MTARC2: variants seen among roughly 807,000 people sequenced by gnomAD.
MTARC2 encodes the protein MOCO sulphurase C-terminal domain containing 2.
In MTARC2, 27 loss-of-function variants were observed where a neutral mutation model predicts 35.6. That is an observed-to-expected ratio of 0.76 (90% confidence interval 0.56 to 1.04). The LOEUF (loss-of-function observed/expected upper bound fraction) is 1.04, where lower values mean the gene tolerates loss of function less well. Among genes scored for constraint, MTARC2 ranks in the 50% least tolerant of loss-of-function variants. The probability of loss-of-function intolerance (pLI) is 0.00; values close to 1 mark genes in which losing one functional copy is unlikely to be tolerated. For missense variants in MTARC2, 412 were observed against 432.5 expected (o/e 0.95, Z 0.42); for synonymous variants, 158 against 167.1 (o/e 0.95, Z 0.42).
chr1:220,769,935 A>C (rs1213172413), intron 4 of MTARC2, among the ~76,000 whole-genome samples: 1 of 54,276 alleles, frequency 1.8e-5, no homozygotes, highest in Non-Finnish European at 3.1e-5. Context: ...CTAAAAATAC[A>C]AAAAAAAAAA....
chr1:220,779,828 A>G (rs1000929602), intron 4 of MTARC2, 190 bp from the exon 5 acceptor site: 6 of 448,548 alleles, frequency 1.3e-5, no homozygotes, highest in Non-Finnish European at 2.4e-5. Flanking sequence ...TGAGACTGGG[A>G]GTCAAGAGGT....
chr1:220,760,213 G>A (rs1671403929), intron 2 of MTARC2, among the ~76,000 whole-genome samples: 1 of 152,130 alleles, frequency 6.6e-6, no homozygotes, highest in East Asian at 1.9e-4. Flanking sequence ...AAACATACAG[G>A]GACCCAAACA....
chr1:220,778,182 C>T (rs1309735051), intron 4 of MTARC2, among the ~76,000 whole-genome samples: 10 of 132,824 alleles, frequency 7.5e-5, no homozygotes, highest in East Asian at 2.5e-4. Flanking sequence ...GCGGAGATTG[C>T]GGCTGCAGTG....
rs80352362 is a variant in MTARC2 at position 220,783,847 on chromosome 1, G to A, written c.*32-72G>A. 2,562 of 716,828 alleles carry A rather than the reference G, an allele frequency of 3.6e-3. 52 individuals are homozygous for A. The African/African-American group carries it at 0.036, about 10-fold the overall frequency. The allele number at this position is 716,828 out of a possible 1,614,324, so 44.4% of individuals were successfully genotyped here. ...TGTAACCTCAATAAGTGACTGTTTT[G>A]TGGGAGTTTGAATTATTTATGAACA... On this transcript the variant is annotated intron_variant, in intron 7 of 7. Transcript: ENST00000366913.
intron 2 of MTARC2, among the ~76,000 whole-genome samples, chr1:220,755,864 A>C (rs1287137058): frequency 6.6e-6 from 1 of 152,220 alleles, no homozygotes; most frequent in African/African-American, 2.4e-5. Context: ...AAGGTGGTAC[A>C]ATGTGCTCAT....
intron 6 of MTARC2, among the ~76,000 whole-genome samples, chr1:220,780,568 G>A (rs1672045331): frequency 6.6e-6 from 1 of 151,378 alleles, no homozygotes; most frequent in Non-Finnish European, 1.5e-5. Context: ...TCCTGCCTCA[G>A]CCTCCTGAGT....
intron 1 of MTARC2, among the ~76,000 whole-genome samples, chr1:220,754,003 T>C (rs6541158): frequency 0.1 from 15,973 of 152,242 alleles, 1,694 homozygotes; most frequent in East Asian, 0.3. Flanking sequence ...TGAGCTAGAC[T>C]GTACCACTGC....
At chr1:220,756,986 T>C (rs1037162706) in intron 2 of MTARC2, among the ~76,000 whole-genome samples, 2 of 152,250 alleles carry the variant, frequency 1.3e-5, no homozygotes, top group African/African-American at 4.8e-5. Flanking sequence ...CACTGCAACC[T>C]CCACCTCCCA....
intron 4 of MTARC2, among the ~76,000 whole-genome samples, chr1:220,766,142 G>A (rs1232163230): frequency 6.6e-6 from 1 of 152,120 alleles, no homozygotes; most frequent in African/African-American, 2.4e-5. Context: ...CTTGAGGGAA[G>A]GAACTAGATT....
intron 1 of MTARC2, among the ~76,000 whole-genome samples, chr1:220,750,302 C>A (rs1275766554): frequency 1.3e-5 from 2 of 152,198 alleles, no homozygotes; most frequent in African/African-American, 4.8e-5. Context: ...CAAATTCTCA[C>A]GATGCATGTC....
intron 2 of MTARC2, among the ~76,000 whole-genome samples, chr1:220,758,660 C>G (rs1279598711): frequency 2.0e-5 from 3 of 152,196 alleles, no homozygotes; most frequent in Non-Finnish European, 4.4e-5. Flanking sequence ...CTCAAAGTAT[C>G]CACCTGCCTT....
At chr1:220,758,600 G>A (rs1172949280) in intron 2 of MTARC2, among the ~76,000 whole-genome samples, 1 of 152,002 alleles carries the variant, frequency 6.6e-6, no homozygotes, top group Non-Finnish European at 1.5e-5. Context: ...TTGTATTTTA[G>A]TAGAGGTGGG....
intron 1 of MTARC2, among the ~76,000 whole-genome samples, chr1:220,753,279 G>T (rs1671180789): frequency 6.6e-6 from 1 of 152,026 alleles, no homozygotes; most frequent in African/African-American, 2.4e-5. Context: ...TCCTCAGTGG[G>T]GTGGGGACTT....
At chr1:220,762,178 T>G (rs1671455105) in intron 3 of MTARC2, among the ~76,000 whole-genome samples, 1 of 152,206 alleles carries the variant, frequency 6.6e-6, no homozygotes, top group Admixed American at 6.5e-5. Flanking sequence ...CCTGGAATTA[T>G]AGAAGCGGAC....
At chr1:220,764,066 C>T (rs1490048691) in intron 4 of MTARC2, among the ~76,000 whole-genome samples, 8 of 151,984 alleles carry the variant, frequency 5.3e-5, no homozygotes, top group Non-Finnish European at 1.0e-4. Flanking sequence ...AATGACCGTA[C>T]TTCCTTTTGT....
rs748728930 is a variant in MTARC2 at position 220,780,206 on chromosome 1, T to C, written c.851T>C (p.Ile284Thr). ...ACGGTGGACCCAGACACTGGAGTCA[T>C]AGACAGGAAACAGCCACTGGACACC... is the stretch of plus-strand genomic sequence containing the variant. Reference protein sequence around the residue: ...LTTVDPDTGVIDRKQPLDTLK... With the variant: ...LTTVDPDTGVTDRKQPLDTLK... Residue 284 changes from isoleucine to threonine, a missense_variant, in exon 6 of 8, where the codon ATA becomes ACA. Physicochemically the swap from Ile to Thr is moderately conservative, Grantham distance 89. Coordinates refer to ENST00000366913, the MANE Select transcript of MTARC2 (RefSeq NM_017898.5). The C allele has an allele frequency of 4.3e-6, 7 of 1,612,624 alleles. No homozygotes were observed. The highest frequency in any genetic ancestry group is 5.1e-6 in the Non-Finnish European group (6 of 1,179,616).
chr1:220,781,356 C>T lies in MTARC2; in HGVS notation c.885-422C>T, dbSNP rs756823498. Among the ~76,000 whole-genome samples, 67 of 152,060 alleles carry T rather than the reference C, an allele frequency of 4.4e-4. 1 individual carries two copies. Among genetic ancestry groups the T allele is most frequent in the Non-Finnish European group, 1.3e-4 (9 of 68,022 alleles). ...TCTGAATTTTTGTTCACCAGTGAAC[C>T]CCAGCTTTGGGCTCATAAACCTGGA... On this transcript the variant is annotated intron_variant, in intron 6 of 7. Transcript: ENST00000366913.
Position 220,755,074 on chromosome 1 carries a change from G to A in MTARC2, c.400G>A (p.Val134Ile), listed in dbSNP as rs753736080. 1 of 1,612,442 alleles carries A rather than the reference G, an allele frequency of 6.2e-7. No individual in the cohort carries two copies. Among genetic ancestry groups the A allele is most frequent in the Non-Finnish European group, 8.5e-7 (1 of 1,179,340 alleles). The part of the protein sequence containing the change: ...IFRAPDMDQL[V>I]LPSKQPSSNK... ...CAGGGCTCCAGACATGGACCAGCTG[G>A]TTTTGCCTAGCAAGCAGCCTTCCTC... is the stretch of plus-strand genomic sequence containing the variant. The change falls in exon 2 of 8, where the codon GTT becomes ATT. Residue 134 changes from valine (V) to isoleucine (I), a missense_variant. Physicochemically the swap from Val to Ile is conservative, Grantham distance 29. Coordinates refer to ENST00000366913, the MANE Select transcript of MTARC2 (RefSeq NM_017898.5).
At chr1:220,748,860 G>GGGGCA (rs1553252737) in intron 1 of MTARC2, 57 bp downstream of exon 1, 13 of 1,485,398 alleles carry the variant, frequency 8.8e-6, no homozygotes, top group African/African-American at 8.7e-5. Context: ...GAGGAGCGGG[G>GGGGCA]GGGCAGGTGG....
Sources: allele counts gnomAD v4.1 joint callset (sites outside exome capture counted in the v4.1 genomes callset), GRCh38; gene constraint gnomAD v4.1.1; transcripts MANE v1.5; gene names NCBI Gene and HGNC (gene_info 2026-07-23, HGNC 2026-07-21).